The following FGF12 variants were observed in gnomAD, a reference collection of about 807,000 sequenced individuals.
FGF12 encodes fibroblast growth factor 12B.
FGF12 carries 14 observed loss-of-function variants against 23.6 expected under a neutral mutation model. The ratio of observed to expected loss-of-function variants is 0.59; its 90% CI spans 0.39 to 0.93. The LOEUF is 0.93. Ranked by LOEUF, FGF12 falls within the 40% of genes least tolerant of loss-of-function variation. The pLI is 0.00. For missense variants in FGF12, 175 were observed against 217.8 expected (o/e 0.80, Z 1.24); for synonymous variants, 62 against 77.3 (o/e 0.80, Z 1.04).
At position 192,409,645 on chromosome 3, in the gene FGF12, G is replaced by A. The variant is rs1015671892; in HGVS notation, c.14-49107C>T. ...GCGCGTCCGCTCGGGTGGGGCGGGGGCTGGCTGCAGGCGATGTTGGCTCGC... is the reference window on the plus strand; with the variant it reads ...GCGCGTCCGCTCGGGTGGGGCGGGGACTGGCTGCAGGCGATGTTGGCTCGC... On this transcript the variant is annotated intron_variant, in intron 2 of 5. Coordinates refer to ENST00000445105, the MANE Select transcript of FGF12 (RefSeq NM_004113.6). The surrounding 1 kb of genome is among the most constrained non-coding windows in gnomAD (Gnocchi z 4.8). 1.3e-5 allele frequency among the ~76,000 whole-genome samples: 2 copies of A among 152,202 alleles called. No individual in the cohort carries two copies. The highest frequency in any genetic ancestry group is 2.1e-4 in the South Asian group (1 of 4,838).
At chr3:192,678,808 G>A (rs73887671) in intron 2 of FGF12, among the ~76,000 whole-genome samples, 32 of 152,104 alleles carry the variant, frequency 2.1e-4, no homozygotes, top group African/African-American at 7.0e-4. Flanking sequence ...CTTATCTTTC[G>A]TAAGGTCCAT....
intron 3 of FGF12, among the ~76,000 whole-genome samples, chr3:192,346,102 A>G (rs190174959): frequency 1.3e-5 from 2 of 152,280 alleles, no homozygotes; most frequent in Non-Finnish European, 2.9e-5. Context: ...CTCTACTTCA[A>G]AATCTCTCAT....
chr3:192,556,963 T>C (rs1175940627), intron 2 of FGF12, among the ~76,000 whole-genome samples: 1 of 150,364 alleles, frequency 6.7e-6, no homozygotes, highest in African/African-American at 2.4e-5. Flanking sequence ...AACGAATGAG[T>C]CAAAGAAAAA....
intron 2 of FGF12, among the ~76,000 whole-genome samples, chr3:192,436,786 C>T (rs554611723): frequency 6.6e-6 from 1 of 152,310 alleles, no homozygotes; most frequent in East Asian, 1.9e-4. Context: ...GTGGCATTCC[C>T]AGAAAAAACT....
In FGF12 at chr3:192,727,339, T is replaced by G; in HGVS notation, c.-130-16A>C. ...CTCAGGCTTCCTGAAAGATGGGATT[T>G]CTTAAACCTTGAAGCTGCAATCAGC... On this transcript the variant is annotated splice_polypyrimidine_tract_variant and intron_variant, in intron 1 of 5. Coordinates refer to ENST00000445105, the MANE Select transcript of FGF12 (RefSeq NM_004113.6). 1.3e-6 allele frequency: 2 copies of G among 1,540,920 alleles called. No homozygotes were observed. The highest frequency in any genetic ancestry group is 1.8e-6 in the Non-Finnish European group (2 of 1,142,686).
chr3:192,155,184 C>G (rs941008070), intron 5 of FGF12, among the ~76,000 whole-genome samples: 12 of 151,830 alleles, frequency 7.9e-5, no homozygotes, highest in Non-Finnish European at 1.5e-4. Context: ...GCGCACGGTG[C>G]GCGCACCCAC....
intron 2 of FGF12, among the ~76,000 whole-genome samples, chr3:192,542,661 T>A (rs1339799475): frequency 1.3e-5 from 2 of 152,028 alleles, no homozygotes; most frequent in Non-Finnish European, 2.9e-5. Flanking sequence ...TTTCCAAGCA[T>A]TCAAAGGCAC....
intron 2 of FGF12, among the ~76,000 whole-genome samples, chr3:192,574,724 T>A (rs922773231): frequency 1.3e-5 from 2 of 152,248 alleles, no homozygotes; most frequent in African/African-American, 4.8e-5. Context: ...TGTTGAATAC[T>A]ACTGTGTACT....
intron 2 of FGF12, chr3:192,521,356 T>C (rs1460810452): frequency 6.6e-6 from 1 of 152,192 alleles, no homozygotes; most frequent in East Asian, 1.9e-4. Context: ...TAACAAGTTG[T>C]CTTGAATAAA....
intron 4 of FGF12, among the ~76,000 whole-genome samples, chr3:192,330,200 T>A (rs896597959): frequency 1.3e-5 from 2 of 152,122 alleles, no homozygotes; most frequent in African/African-American, 4.8e-5. Flanking sequence ...CTCAATGTCG[T>A]TTTTTGCACT....
intron 2 of FGF12, among the ~76,000 whole-genome samples, chr3:192,560,160 A>G (rs1197664710): frequency 1.3e-5 from 2 of 152,104 alleles, no homozygotes; most frequent in Non-Finnish European, 2.9e-5. Context: ...AACAAGGCAC[A>G]TTAGATAATT....
chr3:192,642,803 T>C (rs903414966), intron 2 of FGF12, among the ~76,000 whole-genome samples: 3 of 152,224 alleles, frequency 2.0e-5, no homozygotes, highest in Non-Finnish European at 2.9e-5. Context: ...CATTTACTTG[T>C]AGCCCAAAGA....
intron 2 of FGF12, among the ~76,000 whole-genome samples, chr3:192,704,230 C>T (rs948016734): frequency 6.6e-6 from 1 of 152,108 alleles, no homozygotes; most frequent in Non-Finnish European, 1.5e-5. Context: ...ACTTGAAAGT[C>T]ATAATTACTC....
intron 4 of FGF12, among the ~76,000 whole-genome samples, chr3:192,171,624 A>C (rs545907799): frequency 6.6e-6 from 1 of 152,370 alleles, no homozygotes; most frequent in South Asian, 2.1e-4. Flanking sequence ...TCAGCAGAAG[A>C]AAAACAAATG....
Position 192,513,401 on chromosome 3 carries a change from G to A in FGF12, c.14-152863C>T, listed in dbSNP as rs1724554513. Reference sequence around the variant, plus strand: ...GTTGCTGATTCCATTTTGAAAGTGTGTTCTGCAATTTCATAAATCAGTTCT... The same window carrying A: ...GTTGCTGATTCCATTTTGAAAGTGTATTCTGCAATTTCATAAATCAGTTCT... On this transcript the variant is annotated intron_variant, in intron 2 of 5. Coordinates refer to ENST00000445105, the MANE Select transcript of FGF12 (RefSeq NM_004113.6). Among the ~76,000 whole-genome samples, 3 of 152,214 alleles carry A rather than the reference G, an allele frequency of 2.0e-5. No individual in the cohort carries two copies. The South Asian group carries it at 6.2e-4, about 32-fold the overall frequency.
At chr3:192,626,989 T>C (rs949693638) in intron 2 of FGF12, among the ~76,000 whole-genome samples, 3 of 152,194 alleles carry the variant, frequency 2.0e-5, no homozygotes, top group African/African-American at 7.2e-5. Flanking sequence ...AGTGTAAATA[T>C]GAGACGTATT....
chr3:192,207,883 G>A (rs1174315690), intron 4 of FGF12, among the ~76,000 whole-genome samples: 2 of 152,148 alleles, frequency 1.3e-5, no homozygotes, highest in African/African-American at 4.8e-5. Flanking sequence ...TGAAGTGGAG[G>A]TGCCTGCAGG....
At position 192,545,169 on chromosome 3, in the gene FGF12, G is replaced by A. The variant is rs901424799; in HGVS notation, c.13+182012C>T. ...TCTGTGCCAACTACAACTGCCTGGG[G>A]AATCAAATACTACAGGATATTCCTT... On this transcript the variant is annotated intron_variant, in intron 2 of 5. Coordinates refer to ENST00000445105, the MANE Select transcript of FGF12 (RefSeq NM_004113.6). Among the ~76,000 whole-genome samples the A allele has an allele frequency of 5.9e-5, 9 of 152,266 alleles. 1 individual carries two copies. In the East Asian group the frequency reaches 1.3e-3, roughly 23 times the overall value.
chr3:192,615,644 A>G (rs1402468128), intron 2 of FGF12, among the ~76,000 whole-genome samples: 1 of 152,142 alleles, frequency 6.6e-6, no homozygotes, highest in South Asian at 2.1e-4. Context: ...AAATAATCAC[A>G]GAAGTGCTCA....
Sources: allele counts gnomAD v4.1 joint callset (sites outside exome capture counted in the v4.1 genomes callset), GRCh38; gene constraint gnomAD v4.1.1; non-coding constraint Gnocchi (gnomAD v3.1); transcripts MANE v1.5; gene names NCBI Gene and HGNC (gene_info 2026-07-23, HGNC 2026-07-21).